Variants in CD99L2 observed in about 807,000 individuals in gnomAD.
CD99L2 encodes the protein CD99 antigen-like protein 2.
A neutral mutation model predicts 27.3 loss-of-function variants in CD99L2; 24 were observed. The ratio of observed to expected loss-of-function variants is 0.88; its 90% CI spans 0.64 to 1.24. The LOEUF (loss-of-function observed/expected upper bound fraction) is 1.24, where lower values mean the gene tolerates loss of function less well. CD99L2 is among the 50% of genes most tolerant of loss of function. CD99L2 has a pLI of 0.00. For missense variants in CD99L2, 255 were observed against 221.6 expected (o/e 1.15, Z -0.96); for synonymous variants, 97 against 87.9 (o/e 1.10, Z -0.58).
chrX:150,822,027 G>A (rs185734008), intron 2 of CD99L2, among the ~76,000 whole-genome samples: 3 of 111,685 alleles, frequency 2.7e-5, no homozygotes, highest in Admixed American at 9.5e-5. Context: ...GGTATATATC[G>A]AAAAGAATTT....
chrX:150,794,200 C>G (rs1172815471), intron 6 of CD99L2, among the ~76,000 whole-genome samples: 2 of 111,651 alleles, frequency 1.8e-5, no homozygotes, highest in Non-Finnish European at 3.8e-5. Flanking sequence ...CTTTCTCCCC[C>G]TACCAACCCG....
intron 1 of CD99L2, among the ~76,000 whole-genome samples, chrX:150,878,017 T>A: frequency 9.9e-6 from 1 of 100,960 alleles, no homozygotes; most frequent in African/African-American, 3.8e-5. Context: ...AGTAGCTTTC[T>A]CAGACACCAA....
chrX:150,866,047 G>A (rs1426100734), intron 1 of CD99L2, among the ~76,000 whole-genome samples: 2 of 112,169 alleles, frequency 1.8e-5, no homozygotes, highest in African/African-American at 6.5e-5. Flanking sequence ...CTTAAGCCCA[G>A]GGGTGGTGGA....
At chrX:150,882,593 T>C (rs1177914948) in intron 1 of CD99L2, among the ~76,000 whole-genome samples, 1 of 109,641 alleles carries the variant, frequency 9.1e-6, no homozygotes, top group African/African-American at 3.3e-5. Flanking sequence ...AGAAATCACT[T>C]GAACCCGGGA....
intron 7 of CD99L2, among the ~76,000 whole-genome samples, chrX:150,783,081 C>A (rs1180852715): frequency 9.9e-6 from 1 of 101,018 alleles, no homozygotes; most frequent in Non-Finnish European, 2.0e-5. Flanking sequence ...AACTTTGACA[C>A]TGTGCTGAAC....
intron 1 of CD99L2, among the ~76,000 whole-genome samples, chrX:150,883,360 G>A (rs966794548): frequency 1.8e-4 from 20 of 111,481 alleles, no homozygotes; most frequent in African/African-American, 3.3e-5. Context: ...TCCAAGGCAG[G>A]CAAAGGGGGC....
intron 9 of CD99L2, among the ~76,000 whole-genome samples, chrX:150,775,577 A>T (rs1436205225): frequency 7.1e-5 from 8 of 112,486 alleles, no homozygotes; most frequent in African/African-American, 9.7e-5. Context: ...TCGGGGGGGA[A>T]CCACACCATT....
At position 150,776,298 on chromosome X, in the gene CD99L2, G is replaced by A. The variant is rs370913034; in HGVS notation, c.536-5C>T. 6 of 1,198,740 alleles carry A rather than the reference G, an allele frequency of 5.0e-6. No individual in the cohort carries two copies. Among genetic ancestry groups the A allele is most frequent in the African/African-American group, 3.5e-5 (2 of 56,992 alleles). ...TGCCAGGCTCTGCCACCATGCCTGCGTGAAGAAGGGGGAGAAATGAGGACA... is the reference window on the plus strand; with the variant it reads ...TGCCAGGCTCTGCCACCATGCCTGCATGAAGAAGGGGGAGAAATGAGGACA... On this transcript the variant is annotated splice_polypyrimidine_tract_variant and splice_region_variant and intron_variant, in intron 8 of 10. Transcript: ENST00000370377.
At chrX:150,828,174 C>A in intron 2 of CD99L2, 1 of 111,767 alleles carries the variant, frequency 8.9e-6, no homozygotes, top group Non-Finnish European at 1.9e-5. Flanking sequence ...GGGATTTTGT[C>A]AGGAATTGTG....
intron 4 of CD99L2, among the ~76,000 whole-genome samples, chrX:150,799,738 G>T (rs1435048926): frequency 1.8e-5 from 2 of 111,632 alleles, no homozygotes; most frequent in Admixed American, 9.5e-5. Flanking sequence ...ACAGGTATTG[G>T]TGAGGACATG....
At chrX:150,818,528 C>CA (rs140829362) in intron 2 of CD99L2, among the ~76,000 whole-genome samples, 2 of 108,014 alleles carry the variant, frequency 1.9e-5, no homozygotes, top group African/African-American at 6.7e-5. Flanking sequence ...ACCAATAGGT[C>CA]AAAAAAAACC....
chrX:150,857,452 T>A (rs2046909960), intron 1 of CD99L2, among the ~76,000 whole-genome samples: 1 of 109,553 alleles, frequency 9.1e-6, no homozygotes. Flanking sequence ...CACGATATGT[T>A]CAAAATGCTG....
At chrX:150,837,654 T>C (rs1480350581) in intron 1 of CD99L2, among the ~76,000 whole-genome samples, 2 of 112,342 alleles carry the variant, frequency 1.8e-5, no homozygotes, top group African/African-American at 6.5e-5. Flanking sequence ...TTAAAGACTT[T>C]TTTCAGGACG....
chrX:150,836,769 T>A (rs1557421212), intron 1 of CD99L2, among the ~76,000 whole-genome samples: 2 of 112,153 alleles, frequency 1.8e-5, no homozygotes, highest in African/African-American at 6.5e-5. Flanking sequence ...ACTACACACC[T>A]AGGCTGTATG....
At chrX:150,850,838 C>CT (rs1161634063) in intron 1 of CD99L2, among the ~76,000 whole-genome samples, 309 of 105,612 alleles carry the variant, frequency 2.9e-3, no homozygotes, top group Non-Finnish European at 4.5e-3. Flanking sequence ...TTTTTTCTTT[C>CT]TTTTTTTTTT....
chrX:150,884,080 A>G (rs112541220), intron 1 of CD99L2, among the ~76,000 whole-genome samples: 3,240 of 111,927 alleles, frequency 0.029, 123 homozygotes, highest in African/African-American at 0.1. Flanking sequence ...CAAATACTGC[A>G]TAACTCAGGA....
intron 1 of CD99L2, among the ~76,000 whole-genome samples, chrX:150,843,756 CATCATCTCAGGATTTTCCA>C (rs1557421405): frequency 9.0e-6 from 1 of 111,115 alleles, no homozygotes; most frequent in African/African-American, 3.3e-5. Flanking sequence ...ATCATAGATG[CATCATCTCAGGATTTTCCA>C]TTTCTCTGCC....
rs1228970072 is a variant in CD99L2 at position 150,766,869 on chromosome X, T to G, written c.*2165A>C. The G allele has an allele frequency of 8.9e-6, 1 of 111,961 alleles. No homozygotes were observed. 9.2% of individuals were successfully genotyped at this position (111,961 alleles called of 1,213,427 possible). ...CCAGGCATGTCCAGTCACTAGGAGC[T>G]GCCACCGGTGGGCTTGAGTGCCAGG... On this transcript the variant is annotated 3_prime_UTR_variant, in exon 11 of 11. Transcript: ENST00000370377.
At chrX:150,798,198 AG>A (rs1557419969) in intron 4 of CD99L2, among the ~76,000 whole-genome samples, 1 of 14,887 alleles carries the variant, frequency 6.7e-5, no homozygotes, top group Non-Finnish European at 1.1e-4. Context: ...GGAGGGAGGG[AG>A]GGAGGGAGGA....
Sources: gnomAD v4.1 joint callset for allele counts (sites outside exome capture counted in the v4.1 genomes callset) on GRCh38, gnomAD v4.1.1 for gene constraint, MANE v1.5 for transcripts, NCBI Gene and HGNC (gene_info 2026-07-23, HGNC 2026-07-21) for gene names.